CHD1: variants seen among roughly 807,000 people sequenced by gnomAD.
The protein encoded by CHD1 is ATP-dependent chromatin remodeler CHD1.
CHD1 carries 36 observed loss-of-function variants against 224.2 expected under a neutral mutation model. The observed-to-expected ratio is 0.16, with a 90% CI of 0.12 to 0.21. CHD1 has a LOEUF of 0.21. Ranked by LOEUF, CHD1 falls within the 10% of genes least tolerant of loss-of-function variation. The pLI, the probability that CHD1 is intolerant of heterozygous loss-of-function variation, is 1.00. For synonymous variants in CHD1, 668 were observed against 658.3 expected (o/e 1.01, Z -0.23); for missense variants, 1,378 against 1,994.8 (o/e 0.69, Z 5.89).
At chr5:98,928,402 A>C (rs1176089618) in intron 1 of CHD1, 137 bp downstream of exon 1, 1 of 152,358 alleles carries the variant, frequency 6.6e-6, no homozygotes, top group African/African-American at 2.4e-5. Flanking sequence ...GTACACCGCC[A>C]CCGGCACTCA....
chr5:98,902,905 A>G lies in CHD1; in HGVS notation c.432T>C (p.His144=). The change falls in exon 5 of 36, where the codon CAT becomes CAC. Residue 144 remains histidine, a synonymous_variant. Transcript: ENST00000614616. The part of the protein sequence containing the change: ...DSSSEVKRKK[H]KDEDWQMSGS... ...AGTTGAACAAAATGACATACTCTTT[A>G]TGCTTTTTCCTTTTGACCTCACTTG... is the stretch of plus-strand genomic sequence containing the variant. The G allele has an allele frequency of 6.3e-7, 1 of 1,591,228 alleles. No individual in the cohort carries two copies. The highest frequency in any genetic ancestry group is 1.1e-5 in the South Asian group (1 of 90,034).
chr5:98,899,427 G>A (rs1292884389), intron 8 of CHD1, 53 bp downstream of exon 8: 2 of 1,105,926 alleles, frequency 1.8e-6, no homozygotes, highest in East Asian at 2.4e-5. Flanking sequence ...TAACATAAAG[G>A]TTTAGTAATC....
chr5:98,898,643 C>A (rs769967538), intron 9 of CHD1, 21 bp downstream of exon 9: 2 of 1,412,310 alleles, frequency 1.4e-6, no homozygotes, highest in Non-Finnish European at 2.0e-6. Flanking sequence ...GAAAGTTTAA[C>A]TAGAATCATT....
chr5:98,884,067 C>CTTTGTTT (rs1209427611), intron 18 of CHD1, among the ~76,000 whole-genome samples: 1 of 145,852 alleles, frequency 6.9e-6, no homozygotes, highest in Admixed American at 6.8e-5. Flanking sequence ...GTCTCTAACT[C>CTTTGTTT]TTTGTTTTTT....
intron 2 of CHD1, among the ~76,000 whole-genome samples, chr5:98,920,175 CATAT>C (rs1752998482): frequency 6.6e-6 from 1 of 152,036 alleles, no homozygotes; most frequent in Non-Finnish European, 1.5e-5. Context: ...TAAATCCATA[CATAT>C]ATAAACGATT....
chr5:98,921,046 T>C (rs1753062450), intron 2 of CHD1, among the ~76,000 whole-genome samples: 1 of 152,060 alleles, frequency 6.6e-6, no homozygotes, highest in Non-Finnish European at 1.5e-5. Context: ...AATAGTTTTT[T>C]AAAAAAGAAT....
chr5:98,927,576 G>C (rs772983075), intron 1 of CHD1, among the ~76,000 whole-genome samples: 34 of 152,326 alleles, frequency 2.2e-4, no homozygotes, highest in Admixed American at 1.5e-3. Flanking sequence ...GACTCTGCAA[G>C]AACAGGTTAT....
rs1049221536 is a variant in CHD1 at position 98,857,689 on chromosome 5, A to G, written c.4787+491T>C. 9.2e-5 allele frequency among the ~76,000 whole-genome samples: 14 copies of G among 152,238 alleles called. No individual in the cohort carries two copies. In the South Asian group the frequency reaches 2.1e-3, roughly 23 times the overall value. Reference sequence around the variant, plus strand: ...TGCTTACTGTTCAAAGGCTTCAAAAAACAATAAACAAAAAACCTTCCTGGT... The same window carrying G: ...TGCTTACTGTTCAAAGGCTTCAAAAGACAATAAACAAAAAACCTTCCTGGT... On this transcript the variant is annotated intron_variant, in intron 35 of 35. Transcript: ENST00000614616.
chr5:98,897,918 C>A (rs1044799897), intron 10 of CHD1, among the ~76,000 whole-genome samples: 7 of 152,022 alleles, frequency 4.6e-5, no homozygotes, highest in African/African-American at 1.7e-4. Flanking sequence ...GGGTTTTTTT[C>A]TGTTTATTCT....
intron 11 of CHD1, among the ~76,000 whole-genome samples, chr5:98,896,725 T>C (rs1751363734): frequency 1.3e-5 from 2 of 151,706 alleles, no homozygotes; most frequent in Non-Finnish European, 2.9e-5. Context: ...AATAATGCAA[T>C]TCATCTACTA....
intron 8 of CHD1, 91 bp from the exon 9 acceptor site, chr5:98,898,855 T>A (rs1034424294): frequency 2.7e-6 from 2 of 730,838 alleles, no homozygotes; most frequent in African/African-American, 1.8e-5. Flanking sequence ...TAGCACAAAA[T>A]CTCCCATTTT....
chr5:98,925,969 A>T (rs1015515680), intron 2 of CHD1, among the ~76,000 whole-genome samples: 1 of 151,946 alleles, frequency 6.6e-6, no homozygotes, highest in Non-Finnish European at 1.5e-5. Context: ...CCAGAAAAAG[A>T]TGAGTGAAAA....
chr5:98,868,621 C>T lies in CHD1; in HGVS notation c.4122G>A (p.Lys1374=), dbSNP rs1354438603. The T allele has an allele frequency of 6.3e-6, 10 of 1,580,598 alleles. No individual in the cohort carries two copies. Among genetic ancestry groups the T allele is most frequent in the Non-Finnish European group, 8.6e-6 (10 of 1,166,630 alleles). The change falls in exon 31 of 36, where the codon AAG becomes AAA. Residue 1374 remains lysine (K), a synonymous_variant. Coordinates refer to ENST00000614616, the MANE Select transcript of CHD1 (RefSeq NM_001270.4). ...TCTTGGATCTTTCCCTACCATCAGA[C>T]TTGGATTCACTCAACTAAAGAAAAA... ...DEDDDKLSES[K]SDGRERSKKS... is the part of the protein sequence containing the mutation.
intron 32 of CHD1, among the ~76,000 whole-genome samples, chr5:98,862,667 A>C (rs1748567428): frequency 6.6e-6 from 1 of 152,190 alleles, no homozygotes; most frequent in African/African-American, 2.4e-5. Context: ...AAAGCAGAAA[A>C]GGTAGACATT....
intron 7 of CHD1, among the ~76,000 whole-genome samples, chr5:98,900,237 G>A (rs906592545): frequency 3.3e-5 from 5 of 149,452 alleles, no homozygotes; most frequent in Admixed American, 1.3e-4. Flanking sequence ...AGCTGAGACC[G>A]TGCCACTGCA....
chr5:98,879,478 C>T (rs765176254), intron 23 of CHD1, 74 bp downstream of exon 23: 32 of 1,355,012 alleles, frequency 2.4e-5, no homozygotes, highest in African/African-American at 4.4e-5. Flanking sequence ...ACTGATACCT[C>T]GTAGAAACAA....
intron 15 of CHD1, 133 bp from the exon 16 acceptor site, chr5:98,889,371 G>T: frequency 1.6e-6 from 1 of 628,556 alleles, no homozygotes; most frequent in Non-Finnish European, 2.7e-6. Context: ...ATTCACAGCT[G>T]TATATACAAC....
At chr5:98,911,827 A>G (rs1752442678) in intron 2 of CHD1, among the ~76,000 whole-genome samples, 1 of 152,224 alleles carries the variant, frequency 6.6e-6, no homozygotes, top group Non-Finnish European at 1.5e-5. Context: ...TGAAAGACAA[A>G]GAAAGAGGAA....
rs560538737 is a variant in CHD1 at position 98,900,749 on chromosome 5, G to A, written c.859+62C>T. On this transcript the variant is annotated intron_variant, in intron 7 of 35. Coordinates refer to ENST00000614616, the MANE Select transcript of CHD1 (RefSeq NM_001270.4). ...TTACAGGGGCGACCCACTGTGCCCA[G>A]CCCTCTACTCCTGTAAATATTATTT... 199 of 1,447,466 alleles carry A rather than the reference G, an allele frequency of 1.4e-4. 5 individuals are homozygous for A. In the South Asian group the frequency reaches 2.5e-3, roughly 18 times the overall value. The allele number at this position is 1,447,466 out of a possible 1,614,324, so 89.7% of individuals were successfully genotyped here.
Sources: gnomAD v4.1 joint callset for allele counts (sites outside exome capture counted in the v4.1 genomes callset) on GRCh38, gnomAD v4.1.1 for gene constraint, MANE v1.5 for transcripts, NCBI Gene and HGNC (gene_info 2026-07-23, HGNC 2026-07-21) for gene names.